PCDHGA3: variants seen among roughly 807,000 people sequenced by gnomAD.
PCDHGA3 encodes protocadherin gamma subfamily A, 3.
A neutral mutation model predicts 58.5 loss-of-function variants in PCDHGA3; 40 were observed. The observed-to-expected ratio is 0.68, with a 90% CI of 0.53 to 0.89. The LOEUF (loss-of-function observed/expected upper bound fraction) is 0.89, where lower values mean the gene tolerates loss of function less well. PCDHGA3 is among the 40% of genes least tolerant of loss of function. PCDHGA3 has a pLI of 0.00. For missense variants in PCDHGA3, 1,223 were observed against 1,195.9 expected (o/e 1.02, Z -0.33); for synonymous variants, 530 against 525.7 (o/e 1.01, Z -0.11).
intron 1 of PCDHGA3, chr5:141,413,140 A>G: frequency 1.3e-6 from 2 of 1,563,150 alleles, no homozygotes; most frequent in Non-Finnish European, 1.7e-6. Context: ...CAACGTGTCC[A>G]GTGAGGACTT....
chr5:141,399,755 G>C (rs1420211451), intron 1 of PCDHGA3: 1 of 1,613,232 alleles, frequency 6.2e-7, no homozygotes, highest in Non-Finnish European at 8.5e-7. Context: ...GCAAACGTGA[G>C]CCTGCGCGTG....
Position 141,344,513 on chromosome 5 carries a change from A to G in PCDHGA3, c.480A>G (p.Pro160=), listed in dbSNP as rs1456522332. 4.3e-6 allele frequency: 7 copies of G among 1,613,906 alleles called. No individual in the cohort carries two copies. The change falls in exon 1 of 4, where the codon CCA becomes CCG. Residue 160 remains proline (P), a synonymous_variant. Transcript: ENST00000253812. ...TTCCAATTAAAACTGCTTTTGACCCAGATGTAGGCATTAACTCCCTGCAGA... is the reference window on the plus strand; with the variant it reads ...TTCCAATTAAAACTGCTTTTGACCCGGATGTAGGCATTAACTCCCTGCAGA... The part of the protein sequence containing the change: ...TRFPIKTAFD[P]DVGINSLQNY...
At chr5:141,422,957 A>C in intron 1 of PCDHGA3, 1 of 1,614,190 alleles carries the variant, frequency 6.2e-7, no homozygotes. Flanking sequence ...ACTGGCGTGG[A>C]GCTGGCGCCC....
chr5:141,391,155 T>C (rs2092309201), intron 1 of PCDHGA3: 1 of 152,250 alleles, frequency 6.6e-6, no homozygotes, highest in Non-Finnish European at 1.5e-5. Context: ...GAAAGAAATA[T>C]AGTCTTGAAA....
chr5:141,505,507 A>G, intron 3 of PCDHGA3, 26 bp downstream of exon 3: 1 of 1,614,004 alleles, frequency 6.2e-7, no homozygotes, highest in South Asian at 1.1e-5. Flanking sequence ...GTGTGTATGG[A>G]AGAGTGGGAG....
At chr5:141,377,892 CT>C (rs946360367) in intron 1 of PCDHGA3, 2 of 152,170 alleles carry the variant, frequency 1.3e-5, no homozygotes, top group Non-Finnish European at 2.9e-5. Context: ...TAGGATCCCC[CT>C]CTGTTGCCCA....
chr5:141,491,528 C>T lies in PCDHGA3; in HGVS notation c.2425-3279C>T, dbSNP rs745806026. ...GGCACGCTCAAGTACATGGAGGTGACGCTGCGGCCCACAGACTCGCAGAGC... is the reference window on the plus strand; with the variant it reads ...GGCACGCTCAAGTACATGGAGGTGATGCTGCGGCCCACAGACTCGCAGAGC... On this transcript the variant is annotated intron_variant, in intron 1 of 3. Coordinates refer to ENST00000253812, the MANE Select transcript of PCDHGA3 (RefSeq NM_018916.4). The surrounding 1 kb of genome is among the most constrained non-coding windows in gnomAD (Gnocchi z 6.9). 4 of 1,613,950 alleles carry T rather than the reference C, an allele frequency of 2.5e-6. No individual in the cohort carries two copies. Among genetic ancestry groups the T allele is most frequent in the South Asian group, 1.1e-5 (1 of 91,092 alleles).
chr5:141,447,208 C>T (rs1226099966), intron 1 of PCDHGA3, among the ~76,000 whole-genome samples: 1 of 152,078 alleles, frequency 6.6e-6, no homozygotes, highest in Non-Finnish European at 1.5e-5. Flanking sequence ...GGCTTGATCT[C>T]GGCTCACTGC....
At chr5:141,414,681 G>T (rs780836649) in intron 1 of PCDHGA3, 2 of 1,613,836 alleles carry the variant, frequency 1.2e-6, no homozygotes, top group Non-Finnish European at 8.5e-7. Flanking sequence ...CCATCCAGGG[G>T]GTACCTCTGT....
rs750397953 is a variant in PCDHGA3 at position 141,409,543 on chromosome 5, C to CA, written c.2424+63088dup. 2.4e-5 allele frequency: 38 copies of CA among 1,613,884 alleles called. No individual in the cohort carries two copies. The South Asian group carries it at 4.1e-4, about 17-fold the overall frequency. On this transcript the variant is annotated intron_variant, in intron 1 of 3. Transcript: ENST00000253812. ...CCTTGTATGTCGCTGACATCAACGACAACGCCCCAGTTTTCGACCAGACGT... is the reference window on the plus strand; with the variant it reads ...CCTTGTATGTCGCTGACATCAACGACAAACGCCCCAGTTTTCGACCAGACGT...
chr5:141,449,528 G>C (rs1298713821), intron 1 of PCDHGA3, among the ~76,000 whole-genome samples: 1 of 149,040 alleles, frequency 6.7e-6, no homozygotes, highest in African/African-American at 2.5e-5. Context: ...GGCGGAGGTT[G>C]CAGTGAGCCG....
intron 1 of PCDHGA3, chr5:141,410,024 G>A (rs771946302): frequency 1.9e-6 from 3 of 1,613,164 alleles, no homozygotes; most frequent in South Asian, 1.1e-5. Context: ...GTCCTACCAC[G>A]TGCTGCAGGC....
intron 2 of PCDHGA3, among the ~76,000 whole-genome samples, chr5:141,497,578 T>C (rs2099778035): frequency 1.3e-5 from 2 of 150,806 alleles, no homozygotes; most frequent in South Asian, 4.2e-4. Context: ...CTTGCTCTGT[T>C]GCCCAAGCTG....
intron 1 of PCDHGA3, chr5:141,390,359 C>T: frequency 1.3e-6 from 2 of 1,538,574 alleles, no homozygotes; most frequent in Admixed American, 1.9e-5. Flanking sequence ...TACATATTTG[C>T]AGGAAAATAT....
At chr5:141,394,219 C>T (rs1355390708) in intron 1 of PCDHGA3, 1 of 1,613,786 alleles carries the variant, frequency 6.2e-7, no homozygotes, top group Non-Finnish European at 8.5e-7. Context: ...CTGAGAGGAG[C>T]CTCCATCTTT....
chr5:141,355,384 C>T (rs570057542), intron 1 of PCDHGA3: 1 of 1,614,008 alleles, frequency 6.2e-7, no homozygotes, highest in East Asian at 2.2e-5. Flanking sequence ...GCTGGCGGAG[C>T]GCGGAGTCCG....
intron 1 of PCDHGA3, chr5:141,427,922 G>A: frequency 6.3e-7 from 1 of 1,580,742 alleles, no homozygotes; most frequent in Non-Finnish European, 8.6e-7. Flanking sequence ...ACATGAGCCG[G>A]CGCATGTTGG....
At chr5:141,502,621 A>G (rs918589202) in intron 2 of PCDHGA3, among the ~76,000 whole-genome samples, 3 of 152,162 alleles carry the variant, frequency 2.0e-5, no homozygotes, top group African/African-American at 7.2e-5. Context: ...AAATATAAGT[A>G]ATCTGTGGAT....
At chr5:141,361,720 G>C in intron 1 of PCDHGA3, 8 of 1,613,318 alleles carry the variant, frequency 5.0e-6, no homozygotes, top group Non-Finnish European at 5.9e-6. Flanking sequence ...GCGCGCCTTC[G>C]AGCTCACACT....
Sources: allele counts gnomAD v4.1 joint callset (sites outside exome capture counted in the v4.1 genomes callset), GRCh38; gene constraint gnomAD v4.1.1; non-coding constraint Gnocchi (gnomAD v3.1); transcripts MANE v1.5; gene names NCBI Gene and HGNC (gene_info 2026-07-23, HGNC 2026-07-21).